The following PCDH19 variants were observed in gnomAD, a reference collection of about 807,000 sequenced individuals.
PCDH19 encodes the protein protocadherin-19.
In PCDH19, 6 loss-of-function variants were observed where a neutral mutation model predicts 46.2. The ratio of observed to expected loss-of-function variants is 0.13; its 90% confidence interval spans 0.07 to 0.26. The LOEUF is 0.26. Among genes scored for constraint, PCDH19 ranks in the 10% least tolerant of loss-of-function variants. PCDH19 has a pLI of 1.00. For missense variants in PCDH19, 740 were observed against 972.3 expected (o/e 0.76, Z 3.18); for synonymous variants, 481 against 415.7 (o/e 1.16, Z -1.91).
At position 100,295,822 on chromosome X, in the gene PCDH19, A is replaced by G. The variant is rs1924577390; in HGVS notation, c.*455T>C. ...ATTTCACATCACTGAATCAATGAAT[A>G]GTACACAATAAATGACCATTAACTT... On this transcript the variant is annotated 3_prime_UTR_variant, in exon 6 of 6. Transcript: ENST00000373034. 8.1e-6 allele frequency: 1 copy of G among 123,909 alleles called. No homozygotes were observed. The highest frequency in any genetic ancestry group is 3.3e-5 in the African/African-American group (1 of 30,729). The allele number at this position is 123,909 out of a possible 1,213,427, so 10.2% of individuals were successfully genotyped here.
intron 5 of PCDH19, among the ~76,000 whole-genome samples, chrX:100,308,131 G>A (rs1339800312): frequency 5.4e-5 from 6 of 111,180 alleles, no homozygotes; most frequent in Non-Finnish European, 5.7e-5. Context: ...CAGATTACCC[G>A]ACTAGAACTA....
intron 5 of PCDH19, among the ~76,000 whole-genome samples, chrX:100,312,638 G>A (rs1386408525): frequency 9.9e-5 from 11 of 111,633 alleles, no homozygotes; most frequent in Non-Finnish European, 2.1e-4. Context: ...CTGATAATTT[G>A]AAGGCACCCT....
At chrX:100,306,092 T>C (rs746469909) in intron 5 of PCDH19, among the ~76,000 whole-genome samples, 1 of 111,795 alleles carries the variant, frequency 8.9e-6, no homozygotes, top group South Asian at 3.7e-4. Flanking sequence ...CAGAACATTA[T>C]ACCCAACAAC....
intron 3 of PCDH19, among the ~76,000 whole-genome samples, chrX:100,363,880 T>TGTGTGTGTGG (rs1474928001): frequency 1.0e-5 from 1 of 95,260 alleles, no homozygotes; most frequent in Non-Finnish European, 2.1e-5. Context: ...TGTGTGTGTG[T>TGTGTGTGTGG]GTGTGTGAGA....
chrX:100,321,859 G>A (rs1445314138), intron 5 of PCDH19, among the ~76,000 whole-genome samples: 21 of 95,393 alleles, frequency 2.2e-4, no homozygotes, highest in African/African-American at 5.4e-4. Context: ...GCGCGATCTC[G>A]GCTCACTGCA....
intron 3 of PCDH19, among the ~76,000 whole-genome samples, chrX:100,393,766 G>A (rs972971326): frequency 8.9e-6 from 1 of 111,840 alleles, no homozygotes; most frequent in African/African-American, 3.3e-5. Flanking sequence ...GGCCAGATGG[G>A]GCCCAGTGGG....
intron 3 of PCDH19, among the ~76,000 whole-genome samples, chrX:100,363,612 G>GTT (rs1351789198): frequency 8.8e-5 from 5 of 56,950 alleles, no homozygotes; most frequent in African/African-American, 4.5e-4. Flanking sequence ...GGCATGGGAA[G>GTT]TTTTATATAT....
intron 3 of PCDH19, among the ~76,000 whole-genome samples, chrX:100,383,528 G>A (rs1454341356): frequency 1.8e-5 from 2 of 112,101 alleles, no homozygotes; most frequent in Non-Finnish European, 3.8e-5. Context: ...TAAATAGCCA[G>A]AAGTAATCTT....
At chrX:100,336,364 T>C (rs764951271) in intron 5 of PCDH19, among the ~76,000 whole-genome samples, 1 of 112,271 alleles carries the variant, frequency 8.9e-6, no homozygotes, top group Non-Finnish European at 1.9e-5. Context: ...AAATTACATA[T>C]TGTTGGTAGA....
chrX:100,345,534 T>C (rs907657321), intron 4 of PCDH19, among the ~76,000 whole-genome samples: 2 of 111,965 alleles, frequency 1.8e-5, no homozygotes, highest in African/African-American at 6.5e-5. Context: ...ATGCCAGGGA[T>C]GTCTACCTTA....
Position 100,333,174 on chromosome X carries a change from G to GGAGAGAGAGAGA in PCDH19, c.2848+8717_2848+8728dup, listed in dbSNP as rs1555976693. On this transcript the variant is annotated intron_variant, in intron 5 of 5. Coordinates refer to ENST00000373034, the MANE Select transcript of PCDH19 (RefSeq NM_001184880.2). ...GGAAGGAAGGAAGGAAGGAAGGAAG[G>GGAGAGAGAGAGA]GAGAGAGAGAGAAAGAAAGAAAGAA... Among the ~76,000 whole-genome samples the GGAGAGAGAGAGA allele has an allele frequency of 1.0e-4, 3 of 28,951 alleles. 1 individual carries two copies. Among genetic ancestry groups the GGAGAGAGAGAGA allele is most frequent in the African/African-American group, 1.3e-4 (1 of 7,606 alleles). 25.1% of individuals were successfully genotyped at this position (28,951 alleles called of 115,157 possible).
chrX:100,308,628 A>G lies in PCDH19; in HGVS notation c.2849-11753T>C, dbSNP rs368313891. 2.4e-3 allele frequency among the ~76,000 whole-genome samples: 271 copies of G among 111,721 alleles called. 2 individuals carry two copies. Among genetic ancestry groups the G allele is most frequent in the South Asian group, 0.017 (42 of 2,539 alleles). On this transcript the variant is annotated intron_variant, in intron 5 of 5. Transcript: ENST00000373034. ...GGGAGAAAATCTTCACAATCTATACATTTGACAAAGGACTAATATCCAGAA... is the reference window on the plus strand; with the variant it reads ...GGGAGAAAATCTTCACAATCTATACGTTTGACAAAGGACTAATATCCAGAA...
chrX:100,322,865 A>ATATATTTTTTTTTTT lies in PCDH19; in HGVS notation c.2848+19037_2848+19038insAAAAAAAAAAATATA. Among the ~76,000 whole-genome samples, 118 of 54,382 alleles carry ATATATTTTTTTTTTT rather than the reference A, an allele frequency of 2.2e-3. 3 individuals carry two copies. The highest frequency in any genetic ancestry group is 2.8e-3 in the Non-Finnish European group (83 of 30,177). The allele number at this position is 54,382 out of a possible 115,157, so 47.2% of individuals were successfully genotyped here. On this transcript the variant is annotated intron_variant, in intron 5 of 5. Coordinates refer to ENST00000373034, the MANE Select transcript of PCDH19 (RefSeq NM_001184880.2). ...TATATATATATATATATATATATATATTTTTGCAGCTATTGTAAAAGGGGT... is the reference window on the plus strand; with the variant it reads ...TATATATATATATATATATATATATATATATTTTTTTTTTTTTTTTGCAGCTATTGTAAAAGGGGT...
At chrX:100,307,839 G>C (rs1242054375) in intron 5 of PCDH19, among the ~76,000 whole-genome samples, 1 of 110,369 alleles carries the variant, frequency 9.1e-6, no homozygotes, top group Admixed American at 9.7e-5. Context: ...TAAGCAAAGA[G>C]GTGAAAGAAC....
chrX:100,322,865 A>ATATATATATATATATATATAT, intron 5 of PCDH19, among the ~76,000 whole-genome samples: 1 of 54,418 alleles, frequency 1.8e-5, no homozygotes, highest in African/African-American at 8.4e-5. Flanking sequence ...ATATATATAT[A>ATATATATATATATATATATAT]TTTTTGCAGC....
chrX:100,314,954 C>T lies in PCDH19; in HGVS notation c.2849-18079G>A, dbSNP rs1026379914. 2.3e-3 allele frequency among the ~76,000 whole-genome samples: 254 copies of T among 112,093 alleles called. 2 individuals carry two copies. Among genetic ancestry groups the T allele is most frequent in the African/African-American group, 7.8e-3 (242 of 30,868 alleles). On this transcript the variant is annotated intron_variant, in intron 5 of 5. Coordinates refer to ENST00000373034, the MANE Select transcript of PCDH19 (RefSeq NM_001184880.2). ...CTCACTTAGTTCTATAAGACCTCAT[C>T]TCTCTTCCTTCAGTTTTGTGGCCTT...
In PCDH19 at chrX:100,323,760, CA is replaced by C. The variant is rs1193762708; in HGVS notation, c.2848+18142del. Among the ~76,000 whole-genome samples the C allele has an allele frequency of 4.0e-3, 425 of 106,780 alleles. 1 individual carries two copies. The highest frequency in any genetic ancestry group is 0.014 in the African/African-American group (408 of 29,510). The allele number at this position is 106,780 out of a possible 115,157, so 92.7% of individuals were successfully genotyped here. On this transcript the variant is annotated intron_variant, in intron 5 of 5. Transcript: ENST00000373034. ...AAGGGAAGACTGAACCACTAAAACC[CA>C]AAAAAAAAATTCTCAATGTCATTAA...
At chrX:100,359,140 G>A (rs914348452) in intron 3 of PCDH19, among the ~76,000 whole-genome samples, 2 of 111,726 alleles carry the variant, frequency 1.8e-5, no homozygotes, top group Non-Finnish European at 3.8e-5. Flanking sequence ...AGAGCATGCC[G>A]CAACAAGGAC....
chrX:100,378,334 C>G (rs1404960489), intron 3 of PCDH19, among the ~76,000 whole-genome samples: 1 of 112,997 alleles, frequency 8.8e-6, no homozygotes, highest in East Asian at 2.8e-4. Flanking sequence ...TAAGGGGGAA[C>G]CCCAGAGCCC....
Sources: allele counts gnomAD v4.1 joint callset (sites outside exome capture counted in the v4.1 genomes callset), GRCh38; gene constraint gnomAD v4.1.1; transcripts MANE v1.5; gene names NCBI Gene and HGNC (gene_info 2026-07-23, HGNC 2026-07-21).